SPIDR: variants seen among roughly 807,000 people sequenced by gnomAD.
SPIDR encodes scaffold protein involved in DNA repair, also known as DNA repair-scaffolding protein.
A neutral mutation model predicts 104.6 loss-of-function variants in SPIDR; 93 were observed. The observed-to-expected ratio is 0.89, with a 90% CI of 0.75 to 1.06. The LOEUF (loss-of-function observed/expected upper bound fraction) is 1.06. Ranked by LOEUF, SPIDR falls within the 50% of genes least tolerant of loss-of-function variation. The probability of loss-of-function intolerance (pLI) is 0.00; values close to 1 mark genes in which losing one functional copy is unlikely to be tolerated. For synonymous variants in SPIDR, 431 were observed against 416.9 expected (o/e 1.03, Z -0.41); for missense variants, 1,154 against 1,111.2 (o/e 1.04, Z -0.55).
intron 10 of SPIDR, among the ~76,000 whole-genome samples, chr8:47,647,670 G>GAGAGAGAGGT (rs2070775325): frequency 1.3e-5 from 2 of 149,024 alleles, no homozygotes; most frequent in African/African-American, 5.0e-5. Flanking sequence ...GAGAGAGAGG[G>GAGAGAGAGGT]AGAGAGGGAG....
chr8:47,669,388 AG>A (rs1322635778), intron 10 of SPIDR, among the ~76,000 whole-genome samples: 1 of 152,140 alleles, frequency 6.6e-6, no homozygotes, highest in Non-Finnish European at 1.5e-5. Flanking sequence ...CAGTCGAACC[AG>A]GGGGGTGATG....
At chr8:47,476,576 C>T (rs2076316228) in intron 8 of SPIDR, among the ~76,000 whole-genome samples, 1 of 152,112 alleles carries the variant, frequency 6.6e-6, no homozygotes, top group Non-Finnish European at 1.5e-5. Context: ...GCCCCTTTCT[C>T]ACCTCACCAC....
At chr8:47,544,686 T>C (rs559734549) in intron 8 of SPIDR, among the ~76,000 whole-genome samples, 1 of 152,366 alleles carries the variant, frequency 6.6e-6, no homozygotes, top group Admixed American at 6.5e-5. Context: ...GTTCCGTTGA[T>C]CGTTGTGTGT....
intron 7 of SPIDR, among the ~76,000 whole-genome samples, chr8:47,409,524 T>C (rs2063217040): frequency 6.6e-6 from 1 of 152,166 alleles, no homozygotes; most frequent in Admixed American, 6.5e-5. Flanking sequence ...TATTAGTCTT[T>C]CCTGAGGGAT....
intron 7 of SPIDR, among the ~76,000 whole-genome samples, chr8:47,416,125 T>C (rs2064237728): frequency 1.3e-5 from 2 of 152,168 alleles, no homozygotes; most frequent in Non-Finnish European, 1.5e-5. Context: ...GCGCCTGTAA[T>C]CTCAGCTACG....
chr8:47,338,057 C>T (rs1323145776), intron 5 of SPIDR, among the ~76,000 whole-genome samples: 1 of 152,020 alleles, frequency 6.6e-6, no homozygotes, highest in Non-Finnish European at 1.5e-5. Flanking sequence ...TGTTTTGGTT[C>T]TTCTTATTCT....
chr8:47,642,604 A>G (rs1201860249), intron 10 of SPIDR, among the ~76,000 whole-genome samples: 2 of 151,990 alleles, frequency 1.3e-5, no homozygotes, highest in Admixed American at 1.3e-4. Flanking sequence ...AAAAGAGGAA[A>G]CTTTAGGGAA....
At chr8:47,602,565 C>T (rs1366507709) in intron 10 of SPIDR, among the ~76,000 whole-genome samples, 3 of 152,218 alleles carry the variant, frequency 2.0e-5, no homozygotes, top group Non-Finnish European at 4.4e-5. Context: ...CTTCCCCACC[C>T]AGCCCAGGTC....
chr8:47,330,407 C>T (rs188430634), intron 5 of SPIDR, among the ~76,000 whole-genome samples: 8 of 152,086 alleles, frequency 5.3e-5, no homozygotes, highest in Non-Finnish European at 1.0e-4. Context: ...TAATTCTTGG[C>T]GTTGTATATT....
At chr8:47,557,385 C>T (rs1403507271) in intron 8 of SPIDR, among the ~76,000 whole-genome samples, 2 of 152,180 alleles carry the variant, frequency 1.3e-5, no homozygotes, top group Non-Finnish European at 2.9e-5. Flanking sequence ...CCAGTTGCTG[C>T]ACCTCTGTTC....
intron 10 of SPIDR, among the ~76,000 whole-genome samples, chr8:47,672,195 A>C (rs2075890490): frequency 6.6e-6 from 1 of 152,192 alleles, no homozygotes; most frequent in Non-Finnish European, 1.5e-5. Flanking sequence ...CCCTCAGTTC[A>C]AGTAATCCTC....
chr8:47,626,047 C>A (rs2066039937), intron 10 of SPIDR, among the ~76,000 whole-genome samples: 1 of 152,062 alleles, frequency 6.6e-6, no homozygotes, highest in East Asian at 1.9e-4. Context: ...GAGATATAGA[C>A]CAATGGAACA....
intron 16 of SPIDR, among the ~76,000 whole-genome samples, chr8:47,714,212 G>A (rs149590823): frequency 5.9e-5 from 9 of 152,250 alleles, no homozygotes; most frequent in East Asian, 3.9e-4. Flanking sequence ...TGGAGGGACT[G>A]GGTGGCAGAG....
intron 10 of SPIDR, among the ~76,000 whole-genome samples, chr8:47,606,889 A>T (rs77146616): frequency 0.011 from 1,693 of 152,314 alleles, 17 homozygotes; most frequent in Middle Eastern, 0.02. Context: ...ACAGGGTGGC[A>T]TACATTCCTT....
intron 5 of SPIDR, among the ~76,000 whole-genome samples, chr8:47,356,004 C>T (rs550012750): frequency 3.9e-5 from 6 of 152,204 alleles, no homozygotes; most frequent in African/African-American, 1.4e-4. Context: ...ACCTCTCTCC[C>T]CAAATAGGCT....
intron 8 of SPIDR, among the ~76,000 whole-genome samples, chr8:47,555,790 G>A (rs1332087337): frequency 6.6e-6 from 1 of 152,180 alleles, no homozygotes; most frequent in Non-Finnish European, 1.5e-5. Flanking sequence ...GTGAATGTGA[G>A]TTCTTACTCC....
chr8:47,431,528 A>G (rs1296148931), intron 7 of SPIDR, among the ~76,000 whole-genome samples: 1 of 152,200 alleles, frequency 6.6e-6, no homozygotes, highest in Non-Finnish European at 1.5e-5. Flanking sequence ...AATGAGTCAC[A>G]GCGACATGCC....
chr8:47,732,483 C>T (rs2085422359), intron 19 of SPIDR: 1 of 418,966 alleles, frequency 2.4e-6, no homozygotes, highest in Admixed American at 4.1e-5. Flanking sequence ...TTTGGGTGCT[C>T]TGGTTTCAGG....
intron 5 of SPIDR, among the ~76,000 whole-genome samples, chr8:47,322,245 C>A (rs932039754): frequency 6.6e-6 from 1 of 152,008 alleles, no homozygotes; most frequent in Admixed American, 6.6e-5. Context: ...AACAAATTTT[C>A]AAGAAAAAAA....
Sources: gnomAD v4.1 joint callset for allele counts (sites outside exome capture counted in the v4.1 genomes callset) on GRCh38, gnomAD v4.1.1 for gene constraint, MANE v1.5 for transcripts, NCBI Gene and HGNC (gene_info 2026-07-23, HGNC 2026-07-21) for gene names.